Variants in KCTD16 observed in about 807,000 individuals in gnomAD.
The protein encoded by KCTD16 is potassium channel tetramerization domain containing 16, also known as BTB/POZ domain-containing protein KCTD16.
KCTD16 carries 13 observed loss-of-function variants against 33.2 expected under a neutral mutation model. The ratio of observed to expected loss-of-function variants is 0.39; its 90% confidence interval spans 0.25 to 0.62. The LOEUF (loss-of-function observed/expected upper bound fraction) is 0.62, where lower values mean the gene tolerates loss of function less well. KCTD16 is among the 20% of genes least tolerant of loss of function. The probability of loss-of-function intolerance (pLI) is 0.50; values close to 1 mark genes in which losing one functional copy is unlikely to be tolerated. For missense variants in KCTD16, 441 were observed against 525.1 expected (o/e 0.84, Z 1.57); for synonymous variants, 197 against 195.3 (o/e 1.01, Z -0.07).
rs1396202668 is a variant in KCTD16, at chr5:144,207,185, C to A, written c.471C>A (p.Leu157=). The change falls in exon 3 of 4, where the codon CTC becomes CTA. Residue 157 remains leucine, a synonymous_variant. Transcript: ENST00000512467. Reference sequence around the variant, plus strand: ...GAATCTGCCCCCCTTCCTCCCTGCTCCCTGCCGACCGCAAGTGGGGTTTCA... The same window carrying A: ...GAATCTGCCCCCCTTCCTCCCTGCTACCTGCCGACCGCAAGTGGGGTTTCA... ...DTRICPPSSL[L]PADRKWGFIT... 2 of 1,613,250 alleles carry A rather than the reference C, an allele frequency of 1.2e-6. No individual in the cohort carries two copies.
In KCTD16 at chr5:144,173,297, C is replaced by G. The variant is rs571772662; in HGVS notation, c.-492-1010C>G. ...ATATACACCATGAAATATTATACAGCCATAAAAAGTAGAATGAGGTAATGT... is the reference window on the plus strand; with the variant it reads ...ATATACACCATGAAATATTATACAGGCATAAAAAGTAGAATGAGGTAATGT... On this transcript the variant is annotated intron_variant, in intron 1 of 3. Transcript: ENST00000512467. 7.9e-5 allele frequency among the ~76,000 whole-genome samples: 12 copies of G among 152,254 alleles called. No individual in the cohort carries two copies. The East Asian group carries it at 2.3e-3, about 29-fold the overall frequency.
At chr5:144,444,150 T>C (rs1753769204) in intron 3 of KCTD16, among the ~76,000 whole-genome samples, 3 of 152,058 alleles carry the variant, frequency 2.0e-5, no homozygotes, top group Admixed American at 2.0e-4. Flanking sequence ...CATCGTTTCA[T>C]GTTTTTTTTA....
At position 144,453,231 on chromosome 5, in the gene KCTD16, C is replaced by A. The variant is rs186887197; in HGVS notation, c.833-20429C>A. ...CCTCAGGTGATGCCCAGGTTCCCTC[C>A]CCTTGGTCGCCTCTGACACGTCAGA... On this transcript the variant is annotated intron_variant, in intron 3 of 3. Transcript: ENST00000512467. Among the ~76,000 whole-genome samples the A allele has an allele frequency of 3.3e-5, 5 of 152,206 alleles. No homozygotes were observed. In the East Asian group the frequency reaches 9.7e-4, roughly 30 times the overall value.
intron 3 of KCTD16, among the ~76,000 whole-genome samples, chr5:144,209,650 T>C (rs912811149): frequency 1.3e-5 from 2 of 151,710 alleles, no homozygotes; most frequent in African/African-American, 4.8e-5. Context: ...ACTGTGCCTA[T>C]ATAAGCATTA....
At chr5:144,243,415 A>G (rs773812047) in intron 3 of KCTD16, among the ~76,000 whole-genome samples, 8 of 152,188 alleles carry the variant, frequency 5.3e-5, no homozygotes, top group Non-Finnish European at 7.3e-5. Context: ...GAATTCTATT[A>G]TCTCTTTGTA....
At chr5:144,269,953 A>G (rs1580834319) in intron 3 of KCTD16, among the ~76,000 whole-genome samples, 1 of 152,048 alleles carries the variant, frequency 6.6e-6, no homozygotes, top group Admixed American at 6.6e-5. Flanking sequence ...TGTAATTCCT[A>G]TGGTAGCTAC....
At chr5:144,254,504 A>AT (rs1304308516) in intron 3 of KCTD16, among the ~76,000 whole-genome samples, 1 of 152,102 alleles carries the variant, frequency 6.6e-6, no homozygotes, top group Non-Finnish European at 1.5e-5. Flanking sequence ...ATTGACTTAC[A>AT]TGCCCTTAAA....
intron 2 of KCTD16, among the ~76,000 whole-genome samples, chr5:144,189,753 CCT>C (rs1291697812): frequency 6.6e-6 from 1 of 152,120 alleles, no homozygotes; most frequent in African/African-American, 2.4e-5. Context: ...CAGCATTTTT[CCT>C]CTTTTCCCTT....
chr5:144,436,356 T>G (rs1273182539), intron 3 of KCTD16, among the ~76,000 whole-genome samples: 1 of 152,144 alleles, frequency 6.6e-6, no homozygotes, highest in African/African-American at 2.4e-5. Context: ...GATTTAATTT[T>G]TAGGGACCCT....
chr5:144,285,201 C>T (rs367887571), intron 3 of KCTD16, among the ~76,000 whole-genome samples: 1 of 152,162 alleles, frequency 6.6e-6, no homozygotes, highest in South Asian at 2.1e-4. Flanking sequence ...CTGCAAATGC[C>T]AGGGTGGCTG....
chr5:144,415,733 A>G (rs1321273399), intron 3 of KCTD16, among the ~76,000 whole-genome samples: 2 of 152,208 alleles, frequency 1.3e-5, no homozygotes, highest in Non-Finnish European at 2.9e-5. Context: ...ACTTGAAAAC[A>G]TATGTTTGAA....
At chr5:144,337,840 CAGAGTG>C (rs1036475007) in intron 3 of KCTD16, among the ~76,000 whole-genome samples, 93 of 152,174 alleles carry the variant, frequency 6.1e-4, no homozygotes, top group African/African-American at 2.1e-3. Context: ...CCTTTAGAGC[CAGAGTG>C]TCTAGGTCCA....
At chr5:144,201,817 G>A (rs1310664751) in intron 2 of KCTD16, among the ~76,000 whole-genome samples, 2 of 152,186 alleles carry the variant, frequency 1.3e-5, no homozygotes, top group African/African-American at 2.4e-5. Flanking sequence ...ATAACACGAT[G>A]AGTGTGCAGC....
chr5:144,450,365 C>T (rs1278478844), intron 3 of KCTD16, among the ~76,000 whole-genome samples: 1 of 151,936 alleles, frequency 6.6e-6, no homozygotes, highest in African/African-American at 2.4e-5. Context: ...TAAAATGTTG[C>T]AACAGCTATA....
intron 3 of KCTD16, among the ~76,000 whole-genome samples, chr5:144,277,489 C>T (rs1219035830): frequency 1.3e-5 from 2 of 152,138 alleles, no homozygotes; most frequent in Non-Finnish European, 2.9e-5. Flanking sequence ...GAACTCAGAC[C>T]ATCTAACAAC....
At chr5:144,436,338 C>G (rs1753575280) in intron 3 of KCTD16, among the ~76,000 whole-genome samples, 1 of 152,140 alleles carries the variant, frequency 6.6e-6, no homozygotes, top group Admixed American at 6.5e-5. Context: ...TAAGCATGCT[C>G]CACTTAGGAT....
At chr5:144,196,230 C>T (rs1242446935) in intron 2 of KCTD16, among the ~76,000 whole-genome samples, 1 of 152,108 alleles carries the variant, frequency 6.6e-6, no homozygotes, top group Non-Finnish European at 1.5e-5. Flanking sequence ...TCTGATTGGC[C>T]AGTGGCTCTG....
In KCTD16 at chr5:144,207,387, A is replaced by C. The variant is rs1753218189; in HGVS notation, c.673A>C (p.Arg225=). The C allele has an allele frequency of 6.2e-7, 1 of 1,614,118 alleles. No homozygotes were observed. Among genetic ancestry groups the C allele is most frequent in the Admixed American group, 1.7e-5 (1 of 60,008 alleles). Residue 225 remains arginine, a synonymous_variant, in exon 3 of 4, where the codon AGA becomes CGA. Transcript: ENST00000512467. ...TCGAGCCCCAGAAAGATACACCTCC[A>C]GATTTTATCTCAAATTCAAGCACCT... ...PDRAPERYTS[R]FYLKFKHLER...
chr5:144,466,997 T>TTATATAGTTA (rs1554096550), intron 3 of KCTD16, among the ~76,000 whole-genome samples: 1 of 47,236 alleles, frequency 2.1e-5, no homozygotes, highest in East Asian at 1.6e-3. Context: ...ACTATATATA[T>TTATATAGTTA]TATATATATT....
Sources: allele counts gnomAD v4.1 joint callset (sites outside exome capture counted in the v4.1 genomes callset), GRCh38; gene constraint gnomAD v4.1.1; transcripts MANE v1.5; gene names NCBI Gene and HGNC (gene_info 2026-07-23, HGNC 2026-07-21).